The following FOXP1 variants were observed in gnomAD, a reference collection of about 807,000 sequenced individuals.
FOXP1 encodes the protein forkhead box P1, also known as forkhead box protein P1.
In FOXP1, 15 loss-of-function variants were observed where a neutral mutation model predicts 98.2. The ratio of observed to expected loss-of-function variants is 0.15; its 90% CI spans 0.10 to 0.24. FOXP1 has a LOEUF of 0.24. FOXP1 is among the 10% of genes least tolerant of loss of function. The pLI is 1.00. For synonymous variants in FOXP1, 371 were observed against 314.5 expected, an observed-to-expected ratio of 1.18 and a Z score of -1.90; for missense variants, 633 against 848.5, an observed-to-expected ratio of 0.75 and a Z score of 3.15.
intron 3 of FOXP1, among the ~76,000 whole-genome samples, chr3:71,448,875 C>T (rs1165296169): frequency 1.3e-5 from 2 of 152,154 alleles, no homozygotes; most frequent in South Asian, 2.1e-4. Flanking sequence ...CTGGGAATGC[C>T]GGCACACGTC....
intron 7 of FOXP1, among the ~76,000 whole-genome samples, chr3:71,109,726 T>C (rs993390407): frequency 5.3e-5 from 8 of 152,196 alleles, no homozygotes; most frequent in Admixed American, 4.6e-4. Context: ...TAATATACCA[T>C]GTGACCTAGG....
intron 2 of FOXP1, among the ~76,000 whole-genome samples, chr3:71,496,406 G>A (rs1006665123): frequency 3.3e-5 from 5 of 152,184 alleles, no homozygotes; most frequent in African/African-American, 1.2e-4. Context: ...TGAGGAGTAG[G>A]CAAGTCAACA....
intron 20 of FOXP1, among the ~76,000 whole-genome samples, chr3:70,964,722 T>C (rs2034358005): frequency 6.6e-6 from 1 of 152,188 alleles, no homozygotes; most frequent in Non-Finnish European, 1.5e-5. Context: ...AATGCTAAGA[T>C]ACTGTTCATA....
intron 6 of FOXP1, among the ~76,000 whole-genome samples, chr3:71,152,553 G>A (rs777993739): frequency 6.6e-6 from 1 of 152,156 alleles, no homozygotes; most frequent in East Asian, 1.9e-4. Context: ...TTGTGGAGGA[G>A]GCCCCCAGCG....
At chr3:71,578,649 C>T (rs565035770) in intron 2 of FOXP1, among the ~76,000 whole-genome samples, 1 of 152,282 alleles carries the variant, frequency 6.6e-6, no homozygotes, top group African/African-American at 2.4e-5. Context: ...TGCTATATTC[C>T]TTCTCTTTCT....
At chr3:71,246,033 C>T (rs2067717118) in intron 5 of FOXP1, among the ~76,000 whole-genome samples, 1 of 151,404 alleles carries the variant, frequency 6.6e-6, no homozygotes, top group South Asian at 2.1e-4. Flanking sequence ...AGTGAAACAT[C>T]CCACTCAAAG....
At chr3:71,505,754 C>T (rs1205114336) in intron 2 of FOXP1, among the ~76,000 whole-genome samples, 2 of 152,108 alleles carry the variant, frequency 1.3e-5, no homozygotes, top group South Asian at 2.1e-4. Flanking sequence ...ATTCTTCTCT[C>T]GGTCTCCCTT....
At chr3:71,549,939 C>CG (rs2045650206) in intron 2 of FOXP1, among the ~76,000 whole-genome samples, 1 of 149,706 alleles carries the variant, frequency 6.7e-6, no homozygotes, top group South Asian at 2.1e-4. Flanking sequence ...TTAGAACATG[C>CG]CTTTCTAAAA....
intron 7 of FOXP1, among the ~76,000 whole-genome samples, chr3:71,101,994 G>A (rs2057006239): frequency 1.3e-5 from 2 of 152,144 alleles, no homozygotes; most frequent in Non-Finnish European, 2.9e-5. Flanking sequence ...TTTGTTGAAG[G>A]AGAGAACTTA....
At chr3:71,279,484 C>G (rs77734233) in intron 5 of FOXP1, among the ~76,000 whole-genome samples, 1,525 of 152,190 alleles carry the variant, frequency 0.01, 30 homozygotes, top group African/African-American at 0.034. Context: ...ACCAGGGACG[C>G]TGCAAAATAT....
rs141541628 is a variant in FOXP1 at position 71,399,162 on chromosome 3, G to A, written c.-167-39918C>T. Among the ~76,000 whole-genome samples, 389 of 152,246 alleles carry A rather than the reference G, an allele frequency of 2.6e-3. 4 individuals are homozygous for A. Among genetic ancestry groups the A allele is most frequent in the African/African-American group, 4.7e-3 (194 of 41,550 alleles). On this transcript the variant is annotated intron_variant, in intron 3 of 20. Coordinates refer to ENST00000649528, the MANE Select transcript of FOXP1 (RefSeq NM_001349338.3). ...GGTTTATGAAATTTAACAACCATACGTGTGTCTATGTGTGTACATACACAT... is the reference window on the plus strand; with the variant it reads ...GGTTTATGAAATTTAACAACCATACATGTGTCTATGTGTGTACATACACAT...
intron 12 of FOXP1, among the ~76,000 whole-genome samples, chr3:71,014,113 A>C (rs1576160366): frequency 6.6e-6 from 1 of 152,340 alleles, no homozygotes; most frequent in East Asian, 1.9e-4. Flanking sequence ...TCATGACTAA[A>C]ACAGCAAAAG....
intron 13 of FOXP1, among the ~76,000 whole-genome samples, chr3:70,995,139 G>A (rs554723663): frequency 6.6e-6 from 1 of 152,212 alleles, no homozygotes; most frequent in Non-Finnish European, 1.5e-5. Context: ...TTAGCTTAGA[G>A]GCTGGAAGAG....
intron 6 of FOXP1, among the ~76,000 whole-genome samples, chr3:71,186,659 T>G (rs1292066900): frequency 6.6e-6 from 1 of 152,102 alleles, no homozygotes; most frequent in Non-Finnish European, 1.5e-5. Context: ...TGCAGTGAGC[T>G]GAGACAGGGC....
At chr3:71,301,039 G>A (rs2107564421) in intron 4 of FOXP1, among the ~76,000 whole-genome samples, 1 of 152,244 alleles carries the variant, frequency 6.6e-6, no homozygotes, top group Non-Finnish European at 1.5e-5. Context: ...GCAAGTGTAT[G>A]CAGATTCTTG....
chr3:71,406,267 T>TC (rs1313607941), intron 3 of FOXP1, among the ~76,000 whole-genome samples: 4 of 151,976 alleles, frequency 2.6e-5, no homozygotes, highest in Admixed American at 2.6e-4. Context: ...AGGACTGTGT[T>TC]CCTTCCAGTG....
chr3:71,457,977 C>T (rs1039087888), intron 3 of FOXP1, among the ~76,000 whole-genome samples: 4 of 152,290 alleles, frequency 2.6e-5, no homozygotes, highest in South Asian at 2.1e-4. Flanking sequence ...TCCAGCACCA[C>T]GCACCAATTT....
chr3:71,280,062 G>A (rs2071351047), intron 5 of FOXP1, among the ~76,000 whole-genome samples: 1 of 147,518 alleles, frequency 6.8e-6, no homozygotes, highest in Admixed American at 6.9e-5. Context: ...GTCAGAGGTT[G>A]CAGCGAGCTG....
At chr3:71,169,797 AAAG>A (rs1433786411) in intron 6 of FOXP1, among the ~76,000 whole-genome samples, 3 of 152,126 alleles carry the variant, frequency 2.0e-5, no homozygotes, top group Non-Finnish European at 4.4e-5. Flanking sequence ...AAAAAAAAAA[AAAG>A]ATTTTTTGCT....
Sources: allele counts gnomAD v4.1 joint callset (sites outside exome capture counted in the v4.1 genomes callset), GRCh38; gene constraint gnomAD v4.1.1; transcripts MANE v1.5; gene names NCBI Gene and HGNC (gene_info 2026-07-23, HGNC 2026-07-21).